The following ULK2 variants were observed in gnomAD, a reference collection of about 807,000 sequenced individuals.
ULK2 encodes the protein unc-51 like autophagy activating kinase 2.
Under a neutral mutation model 127.5 loss-of-function variants are expected in ULK2, and 76 were observed. That is an observed-to-expected ratio of 0.60 (90% CI 0.50 to 0.72). ULK2 has a LOEUF of 0.72. Among genes scored for constraint, ULK2 ranks in the 30% least tolerant of loss-of-function variants. ULK2 has a pLI of 0.00. For missense variants in ULK2, 1,144 were observed against 1,295.9 expected (o/e 0.88, Z 1.80); for synonymous variants, 452 against 461.9 (o/e 0.98, Z 0.28).
chr17:19,867,355 G>C lies in ULK2; in HGVS notation c.63C>G (p.Ala21=), dbSNP rs1180169974. The change falls in exon 1 of 27, where the codon GCC becomes GCG. Residue 21 remains alanine (A), a synonymous_variant. Coordinates refer to ENST00000395544, the MANE Select transcript of ULK2 (RefSeq NM_014683.4). The part of the protein sequence containing the change: ...KRDLVGHGAF[A]VVFRGRHRQK... ...GGCGGTGCCGCCCCCGGAAGACCAC[G>C]GCGAAGGCCCCGTGTCCCACGAGAT... 2.5e-6 allele frequency: 4 copies of C among 1,602,354 alleles called. No individual in the cohort carries two copies. In the Admixed American group the frequency reaches 6.7e-5, roughly 27 times the overall value.
chr17:19,799,232 C>T (rs1226954635), intron 17 of ULK2, among the ~76,000 whole-genome samples: 1 of 151,048 alleles, frequency 6.6e-6, no homozygotes, highest in East Asian at 1.9e-4. Flanking sequence ...AAATAAATTT[C>T]ATTATCTATG....
In ULK2 at chr17:19,774,031, T is replaced by TA. The variant is rs11381279; in HGVS notation, c.*2317dup. ...GGAGGGTATAGTTAAAGCAAACCCT[T>TA]AGAGCAGGAATAGCTGGTCAGCAAT... is the stretch of plus-strand genomic sequence containing the variant. On this transcript the variant is annotated 3_prime_UTR_variant, in exon 27 of 27. Transcript: ENST00000395544. 136,540 of 152,562 alleles carry TA rather than the reference T, an allele frequency of 0.89. 61,821 individuals are homozygous for TA. Among genetic ancestry groups the TA allele is most frequent in the Non-Finnish European group, 0.97 (65,798 of 68,038 alleles). The allele number at this position is 152,562 out of a possible 1,614,324, so 9.5% of individuals were successfully genotyped here.
intron 15 of ULK2, 111 bp downstream of exon 15, chr17:19,804,582 T>A (rs73980711): frequency 0.016 from 19,448 of 1,185,072 alleles, 424 homozygotes; most frequent in African/African-American, 0.098. Flanking sequence ...GTTCCCATTA[T>A]ACACACATGT....
At position 19,799,518 on chromosome 17, in the gene ULK2, T is replaced by A. The variant is rs142840164; in HGVS notation, c.1499A>T (p.Asp500Val). ...QCCCGHPQGHDSRSRNSSGSP... is the reference protein window; with the variant it reads ...QCCCGHPQGHVSRSRNSSGSP... ...ACCTGAGGAGTTTCTACTCCTGGAG[T>A]CATGGCCCTGAGGATGCCCACAGCA... Residue 500 changes from aspartate to valine, a missense_variant, in exon 17 of 27, where the codon GAC (aspartate) becomes GTC (valine). By Grantham distance (152) the Asp-to-Val change is radical (BLOSUM62 -3). Coordinates refer to ENST00000395544, the MANE Select transcript of ULK2 (RefSeq NM_014683.4). 3 of 1,583,566 alleles carry A rather than the reference T, an allele frequency of 1.9e-6. No homozygotes were observed. Among genetic ancestry groups the A allele is most frequent in the South Asian group, 2.3e-5 (2 of 85,268 alleles).
chr17:19,838,199 C>T (rs2041645012), intron 10 of ULK2, among the ~76,000 whole-genome samples: 1 of 151,858 alleles, frequency 6.6e-6, no homozygotes, highest in Non-Finnish European at 1.5e-5. Flanking sequence ...ACCCCACCCC[C>T]ACTTCTTTAT....
chr17:19,804,546 T>A (rs2087471513), intron 15 of ULK2, 147 bp downstream of exon 15: 1 of 743,008 alleles, frequency 1.3e-6, no homozygotes, highest in South Asian at 3.9e-5. Context: ...TCATCAATTA[T>A]AAAACTTTAT....
intron 3 of ULK2, among the ~76,000 whole-genome samples, chr17:19,853,757 G>C (rs1037625090): frequency 1.6e-4 from 24 of 151,878 alleles, no homozygotes; most frequent in Admixed American, 1.3e-4. Context: ...ATTTTTAGTA[G>C]AGATGGGGTT....
At chr17:19,810,505 C>A in intron 13 of ULK2, 67 bp from the exon 14 acceptor site, 1 of 993,944 alleles carries the variant, frequency 1.0e-6, no homozygotes, top group Non-Finnish European at 1.5e-6. Flanking sequence ...AAATTTGTTC[C>A]AAAATGATTA....
chr17:19,783,943 T>A (rs953710650), intron 21 of ULK2, 38 bp from the exon 22 acceptor site: 5 of 1,384,832 alleles, frequency 3.6e-6, no homozygotes, highest in Non-Finnish European at 2.8e-6. Context: ...GTGTCCAGAG[T>A]TAGGGCTTTC....
chr17:19,840,052 T>C (rs2041702241), intron 9 of ULK2: 3 of 307,600 alleles, frequency 9.8e-6, no homozygotes, highest in African/African-American at 2.2e-5. Flanking sequence ...AATAAAATAA[T>C]GTACATCTAT....
chr17:19,785,855 C>T (rs2087017021), intron 21 of ULK2, 82 bp downstream of exon 21: 1 of 1,510,130 alleles, frequency 6.6e-7, no homozygotes. Context: ...GTGACTTGTC[C>T]AAGTTACAAC....
At chr17:19,821,251 G>A (rs1476432401) in intron 12 of ULK2, among the ~76,000 whole-genome samples, 1 of 152,194 alleles carries the variant, frequency 6.6e-6, no homozygotes, top group Non-Finnish European at 1.5e-5. Flanking sequence ...AGGTTGCAGT[G>A]AGCCGAGATC....
intron 1 of ULK2, among the ~76,000 whole-genome samples, chr17:19,866,234 C>T (rs1038921876): frequency 1.7e-4 from 26 of 152,104 alleles, no homozygotes; most frequent in African/African-American, 6.3e-4. Context: ...GTGGCTCACA[C>T]CTGTAATCCC....
intron 25 of ULK2, among the ~76,000 whole-genome samples, chr17:19,779,636 A>G (rs558127366): frequency 1.0e-3 from 158 of 151,950 alleles, no homozygotes; most frequent in Non-Finnish European, 1.9e-3. Flanking sequence ...TTTATACTTT[A>G]GAGTAATTTT....
At chr17:19,779,293 G>C (rs1280753046) in intron 25 of ULK2, among the ~76,000 whole-genome samples, 1 of 152,036 alleles carries the variant, frequency 6.6e-6, no homozygotes, top group East Asian at 1.9e-4. Context: ...CACTTTGGGA[G>C]GCCGAGGTGG....
At chr17:19,786,653 G>T (rs1343277833) in intron 20 of ULK2, among the ~76,000 whole-genome samples, 1 of 151,040 alleles carries the variant, frequency 6.6e-6, no homozygotes, top group East Asian at 2.0e-4. Flanking sequence ...GGCAGAGGTT[G>T]CAGTGAGCTG....
chr17:19,810,147 C>T (rs777340690), intron 14 of ULK2, among the ~76,000 whole-genome samples: 2 of 148,550 alleles, frequency 1.3e-5, no homozygotes, highest in African/African-American at 5.0e-5. Context: ...AGGAGAATGG[C>T]GTGAACCCAG....
At chr17:19,801,703 A>T in intron 16 of ULK2, 74 bp downstream of exon 16, 1 of 1,593,826 alleles carries the variant, frequency 6.3e-7, no homozygotes, top group African/African-American at 1.4e-5. Context: ...CGAAGTTCCT[A>T]AAGAAAATGT....
At chr17:19,849,988 T>A (rs930649680) in intron 3 of ULK2, among the ~76,000 whole-genome samples, 4 of 152,178 alleles carry the variant, frequency 2.6e-5, no homozygotes, top group African/African-American at 9.7e-5. Flanking sequence ...AATGTAGTCA[T>A]CAAGAAGTAA....
Sources: allele counts gnomAD v4.1 joint callset (sites outside exome capture counted in the v4.1 genomes callset), GRCh38; gene constraint gnomAD v4.1.1; transcripts MANE v1.5; gene names NCBI Gene and HGNC (gene_info 2026-07-23, HGNC 2026-07-21).